Variants in RANBP2 observed in about 807,000 individuals in gnomAD.
RANBP2 encodes E3 SUMO-protein ligase RanBP2.
RANBP2 carries 57 observed loss-of-function variants against 303.6 expected under a neutral mutation model. The ratio of observed to expected loss-of-function variants is 0.19; its 90% confidence interval spans 0.15 to 0.23. The LOEUF is 0.23. Among genes scored for constraint, RANBP2 ranks in the 10% least tolerant of loss-of-function variants. RANBP2 has a pLI of 1.00. For synonymous variants in RANBP2, 1,167 were observed against 1,301.5 expected, an observed-to-expected ratio of 0.90 and a Z score of 2.23; for missense variants, 3,138 against 3,780.8, an observed-to-expected ratio of 0.83 and a Z score of 4.46.
chr2:108,750,291 T>G (rs1675771842), intron 9 of RANBP2, among the ~76,000 whole-genome samples: 1 of 152,268 alleles, frequency 6.6e-6, no homozygotes, highest in African/African-American at 2.4e-5. Flanking sequence ...AATATCACTT[T>G]TATTGGCAAT....
chr2:109,496,915 A>G, the RANBP2 span, among the ~76,000 whole-genome samples: 1 of 152,138 alleles, frequency 6.6e-6, no homozygotes, highest in African/African-American at 2.4e-5. Context: ...GGCAGAGGAG[A>G]AGGTCAGAGT....
the RANBP2 span, among the ~76,000 whole-genome samples, chr2:109,326,914 G>T: frequency 6.6e-6 from 1 of 152,198 alleles, no homozygotes; most frequent in South Asian, 2.1e-4. Flanking sequence ...GAGCACGCTG[G>T]CTCTACCATT....
At chr2:108,820,703 AAAAAAAAAAAAACAAAC>A in the RANBP2 span, among the ~76,000 whole-genome samples, 13 of 52,684 alleles carry the variant, frequency 2.5e-4, no homozygotes, top group African/African-American at 1.2e-3. Flanking sequence ...AAAGTGCAAA[AAAAAAAAAAAAACAAAC>A]AACAAAACTG....
intron 1 of RANBP2, among the ~76,000 whole-genome samples, chr2:108,726,947 G>C (rs140585189): frequency 2.0e-5 from 3 of 152,162 alleles, no homozygotes; most frequent in East Asian, 1.9e-4. Context: ...CACAGGGTTG[G>C]GGGTAAGGTC....
At chr2:109,041,187 A>T in the RANBP2 span, among the ~76,000 whole-genome samples, 1 of 152,254 alleles carries the variant, frequency 6.6e-6, no homozygotes, top group African/African-American at 2.4e-5. Context: ...ACGTTGCTAA[A>T]CACAGTTATT....
the RANBP2 span, chr2:108,906,309 T>C: frequency 1.2e-6 from 2 of 1,614,146 alleles, no homozygotes; most frequent in South Asian, 2.2e-5. Flanking sequence ...TCAGCTTACC[T>C]TCCACGACTC....
At chr2:109,505,123 C>A in the RANBP2 span, among the ~76,000 whole-genome samples, 1 of 152,214 alleles carries the variant, frequency 6.6e-6, no homozygotes, top group Non-Finnish European at 1.5e-5. Flanking sequence ...GGCTGCCATT[C>A]CCTGGAGCAC....
At chr2:109,006,017 G>T in the RANBP2 span, among the ~76,000 whole-genome samples, 1 of 152,120 alleles carries the variant, frequency 6.6e-6, no homozygotes, top group Non-Finnish European at 1.5e-5. Context: ...AGGTTCCTAC[G>T]GCCAGCCCGG....
At chr2:109,109,214 G>C in the RANBP2 span, among the ~76,000 whole-genome samples, 3 of 152,176 alleles carry the variant, frequency 2.0e-5, no homozygotes, top group African/African-American at 7.2e-5. Flanking sequence ...AAACACAATG[G>C]AGCGCTCTTG....
At chr2:108,733,697 A>G (rs747800488) in intron 4 of RANBP2, among the ~76,000 whole-genome samples, 47 of 152,188 alleles carry the variant, frequency 3.1e-4, no homozygotes, top group Non-Finnish European at 6.2e-4. Flanking sequence ...GGGCGTGGCA[A>G]TCCAGTTAAT....
At chr2:108,834,214 A>T in the RANBP2 span, among the ~76,000 whole-genome samples, 4 of 139,660 alleles carry the variant, frequency 2.9e-5, no homozygotes, top group Non-Finnish European at 4.7e-5. Context: ...CATCTTTGAA[A>T]TTTTTTTTTT....
At chr2:108,772,370 A>G (rs1381771422) in intron 21 of RANBP2, 119 bp from the exon 22 acceptor site, 12 of 731,036 alleles carry the variant, frequency 1.6e-5, no homozygotes, top group Non-Finnish European at 2.8e-5. Flanking sequence ...TATTAAAGAT[A>G]TAAAATTGGC....
chr2:109,383,679 G>A, the RANBP2 span, among the ~76,000 whole-genome samples: 5 of 152,132 alleles, frequency 3.3e-5, no homozygotes, highest in African/African-American at 1.2e-4. Flanking sequence ...ACTGATTCCA[G>A]CTTCATTTCG....
chr2:109,589,797 T>G, the RANBP2 span, among the ~76,000 whole-genome samples: 1 of 151,976 alleles, frequency 6.6e-6, no homozygotes, highest in Non-Finnish European at 1.5e-5. Context: ...CAAGAACTTA[T>G]GCATCAATGT....
the RANBP2 span, among the ~76,000 whole-genome samples, chr2:109,612,619 T>A: frequency 2.0e-5 from 3 of 152,212 alleles, no homozygotes; most frequent in East Asian, 1.9e-4. Context: ...CTAAATGAAG[T>A]GTTCTCTTCT....
the RANBP2 span, among the ~76,000 whole-genome samples, chr2:109,400,964 CT>C: frequency 3.3e-5 from 5 of 152,222 alleles, no homozygotes; most frequent in African/African-American, 1.2e-4. Context: ...CTAAATTCTT[CT>C]TGAGCACCTC....
intron 3 of RANBP2, 83 bp downstream of exon 3, chr2:108,730,968 T>C (rs1215247747): frequency 1.4e-6 from 2 of 1,475,338 alleles, no homozygotes; most frequent in Non-Finnish European, 1.9e-6. Context: ...GTCAAATATA[T>C]TTTATGAATA....
At chr2:109,068,620 C>T in the RANBP2 span, among the ~76,000 whole-genome samples, 1 of 152,192 alleles carries the variant, frequency 6.6e-6, no homozygotes, top group Non-Finnish European at 1.5e-5. Context: ...AGGAAAGTCT[C>T]TGCTTTTCCC....
chr2:108,912,654 T>G, the RANBP2 span: 3 of 1,562,462 alleles, frequency 1.9e-6, no homozygotes, highest in East Asian at 7.1e-5. Context: ...CTCCAGGTGA[T>G]CGATACCTGA....
Sources: allele counts gnomAD v4.1 joint callset (sites outside exome capture counted in the v4.1 genomes callset), GRCh38; gene constraint gnomAD v4.1.1; transcripts MANE v1.5; gene names NCBI Gene and HGNC (gene_info 2026-07-23, HGNC 2026-07-21).